The following MTFR2 variants were observed in gnomAD, a reference collection of about 807,000 sequenced individuals.
MTFR2 encodes DUF729 domain-containing protein 1.
Under a neutral mutation model 41.2 loss-of-function variants are expected in MTFR2, and 44 were observed. The ratio of observed to expected loss-of-function variants is 1.07; its 90% CI spans 0.84 to 1.37. The LOEUF is 1.37. MTFR2 is among the 40% of genes most tolerant of loss of function. The pLI is 0.00. For synonymous variants in MTFR2, 141 were observed against 154.6 expected, an observed-to-expected ratio of 0.91 and a Z score of 0.65; for missense variants, 452 against 459.5, an observed-to-expected ratio of 0.98 and a Z score of 0.15.
intron 3 of MTFR2, among the ~76,000 whole-genome samples, chr6:136,244,399 G>A (rs1193883813): frequency 6.6e-6 from 1 of 152,102 alleles, no homozygotes; most frequent in East Asian, 1.9e-4. Flanking sequence ...TACAGTATTC[G>A]GTAAAGTAAC....
intron 7 of MTFR2, chr6:136,233,030 G>A (rs1325811139): frequency 1.3e-5 from 3 of 232,142 alleles, no homozygotes; most frequent in African/African-American, 6.8e-5. Flanking sequence ...CAGACACCCA[G>A]TTCATACTGC....
chr6:136,247,366 T>C (rs1297343132), intron 2 of MTFR2: 3 of 348,926 alleles, frequency 8.6e-6, no homozygotes, highest in Non-Finnish European at 1.7e-5. Context: ...AAAAAAAATC[T>C]CTTTTCACTC....
chr6:136,236,180 A>C (rs529936819), intron 6 of MTFR2, among the ~76,000 whole-genome samples: 17 of 152,322 alleles, frequency 1.1e-4, no homozygotes, highest in African/African-American at 3.4e-4. Flanking sequence ...CTGAGAGTAC[A>C]TGTGTTTTGA....
At chr6:136,249,419 T>A (rs1009928874) in intron 1 of MTFR2, among the ~76,000 whole-genome samples, 1 of 152,202 alleles carries the variant, frequency 6.6e-6, no homozygotes, top group African/African-American at 2.4e-5. Flanking sequence ...AAACTGGACA[T>A]CTACTTAGTA....
chr6:136,247,509 T>C (rs554025209), intron 2 of MTFR2: 1 of 456,318 alleles, frequency 2.2e-6, no homozygotes, highest in Admixed American at 2.3e-5. Flanking sequence ...CTTAAATTTC[T>C]TCCTGTCTGT....
intron 1 of MTFR2, among the ~76,000 whole-genome samples, chr6:136,249,546 T>G (rs1780306997): frequency 6.6e-6 from 1 of 152,158 alleles, no homozygotes; most frequent in Admixed American, 6.5e-5. Flanking sequence ...AAGGGACGAC[T>G]CAGTTTTTAA....
chr6:136,248,146 C>A lies in MTFR2; in HGVS notation c.63+891G>T, dbSNP rs376631170. Among the ~76,000 whole-genome samples the A allele has an allele frequency of 5.4e-4, 82 of 152,314 alleles. 3 individuals are homozygous for A. In the South Asian group the frequency reaches 9.1e-3, roughly 17 times the overall value. ...CCGTCTTCCTTACAATCTCATATTA[C>A]AGTTATCTTTATTGTTTCTTATTCC... On this transcript the variant is annotated intron_variant, in intron 2 of 7. Coordinates refer to ENST00000420702, the MANE Select transcript of MTFR2 (RefSeq NM_001099286.3).
At chr6:136,234,949 G>GTATA (rs1779865759) in intron 6 of MTFR2, among the ~76,000 whole-genome samples, 1 of 152,188 alleles carries the variant, frequency 6.6e-6, no homozygotes, top group African/African-American at 2.4e-5. Flanking sequence ...CAAGGCTGGA[G>GTATA]TATAGTGGCT....
At chr6:136,231,669 T>TAA (rs71006791) in intron 7 of MTFR2, among the ~76,000 whole-genome samples, 51 of 82,868 alleles carry the variant, frequency 6.2e-4, no homozygotes, top group African/African-American at 1.5e-3. Flanking sequence ...AAAAACTATG[T>TAA]AAAAAAAAAA....
chr6:136,245,108 C>T (rs542729038), intron 2 of MTFR2, among the ~76,000 whole-genome samples: 1 of 152,112 alleles, frequency 6.6e-6, no homozygotes, highest in East Asian at 1.9e-4. Flanking sequence ...AACATATATA[C>T]ATTCCAGGAA....
chr6:136,245,619 G>A lies in MTFR2; in HGVS notation c.64-750C>T, dbSNP rs1018139234. Among the ~76,000 whole-genome samples the A allele has an allele frequency of 3.9e-5, 6 of 152,156 alleles. No homozygotes were observed. In the South Asian group the frequency reaches 6.2e-4, roughly 16 times the overall value. ...TCCTCATTAAAACAACCAATAAACC[G>A]CCGGTCTCAGCTGTTAAACAACAGC... is the stretch of plus-strand genomic sequence containing the variant. On this transcript the variant is annotated intron_variant, in intron 2 of 7. Transcript: ENST00000420702.
chr6:136,233,191 C>T (rs919145561), intron 7 of MTFR2, 134 bp downstream of exon 7: 6 of 646,672 alleles, frequency 9.3e-6, no homozygotes, highest in African/African-American at 7.4e-5. Flanking sequence ...ACCCCAGAAA[C>T]ATTAGCAGCA....
rs771297891 is a variant in MTFR2 at position 136,240,935 on chromosome 6, C to CAA, written c.514+507_514+508dup. Among the ~76,000 whole-genome samples the CAA allele has an allele frequency of 1.8e-4, 27 of 152,160 alleles. No homozygotes were observed. The East Asian group carries it at 5.2e-3, about 29-fold the overall frequency. ...TGAAACCCCGTCTCTACTAAAAATA[C>CAA]AAAAAATTAGCCGAGCGTGGTGGCG... On this transcript the variant is annotated intron_variant, in intron 5 of 7. Transcript: ENST00000420702.
At position 136,240,902 on chromosome 6, in the gene MTFR2, T is replaced by C. The variant is rs368645286; in HGVS notation, c.514+542A>G. On this transcript the variant is annotated intron_variant, in intron 5 of 7. Coordinates refer to ENST00000420702, the MANE Select transcript of MTFR2 (RefSeq NM_001099286.3). ...GTCAGGAGATCGAGACCATCCTGGC[T>C]AACACGGTGAAACCCCGTCTCTACT... Among the ~76,000 whole-genome samples, 1,041 of 152,140 alleles carry C rather than the reference T, an allele frequency of 6.8e-3. 9 individuals carry two copies. Among genetic ancestry groups the C allele is most frequent in the African/African-American group, 0.021 (870 of 41,502 alleles).
At chr6:136,244,667 G>T in intron 3 of MTFR2, 98 bp downstream of exon 3, 1 of 818,834 alleles carries the variant, frequency 1.2e-6, no homozygotes. Flanking sequence ...TTGGCTTGCA[G>T]GAAATGTTTC....
intron 2 of MTFR2, among the ~76,000 whole-genome samples, chr6:136,246,775 T>C (rs1780222431): frequency 6.6e-6 from 1 of 152,194 alleles, no homozygotes; most frequent in South Asian, 2.1e-4. Context: ...ACTACTGTAA[T>C]TACTCTTAGC....
chr6:136,241,821 G>C, intron 4 of MTFR2, 145 bp from the exon 5 acceptor site: 1 of 663,642 alleles, frequency 1.5e-6, no homozygotes, highest in Non-Finnish European at 2.5e-6. Flanking sequence ...GCTCACACCT[G>C]TAATCCCAAC....
At chr6:136,241,307 T>C (rs1057062371) in intron 5 of MTFR2, 137 bp downstream of exon 5, 21 of 644,050 alleles carry the variant, frequency 3.3e-5, no homozygotes, top group Non-Finnish European at 4.7e-5. Context: ...TTATTCAGAA[T>C]TGTACTCACT....
chr6:136,246,132 G>A (rs1780206262), intron 2 of MTFR2, among the ~76,000 whole-genome samples: 1 of 152,168 alleles, frequency 6.6e-6, no homozygotes, highest in Non-Finnish European at 1.5e-5. Flanking sequence ...GACATATACA[G>A]TCACCCAAGA....
Sources: allele counts gnomAD v4.1 joint callset (sites outside exome capture counted in the v4.1 genomes callset), GRCh38; gene constraint gnomAD v4.1.1; transcripts MANE v1.5; gene names NCBI Gene and HGNC (gene_info 2026-07-23, HGNC 2026-07-21).